MARCHF1: variants seen among roughly 807,000 people sequenced by gnomAD.
MARCHF1 encodes the protein E3 ubiquitin-protein ligase MARCHF1.
A neutral mutation model predicts 54.2 loss-of-function variants in MARCHF1; 40 were observed. The observed-to-expected ratio is 0.74, with a 90% CI of 0.57 to 0.96. The LOEUF (loss-of-function observed/expected upper bound fraction) is 0.96. Among genes scored for constraint, MARCHF1 ranks in the 40% least tolerant of loss-of-function variants. The probability of loss-of-function intolerance (pLI) is 0.00; values close to 1 mark genes in which losing one functional copy is unlikely to be tolerated. For synonymous variants in MARCHF1, 236 were observed against 236.3 expected (o/e 1.00, Z 0.01); for missense variants, 586 against 656.5 (o/e 0.89, Z 1.17).
chr4:164,039,967 T>TTA (rs368367511), intron 2 of MARCHF1, among the ~76,000 whole-genome samples: 2,082 of 145,022 alleles, frequency 0.014, 42 homozygotes, highest in African/African-American at 0.044. Context: ...CCTCATGAAA[T>TTA]TATATATATA....
chr4:164,025,183 T>C (rs1404783317), intron 2 of MARCHF1, among the ~76,000 whole-genome samples: 1 of 152,056 alleles, frequency 6.6e-6, no homozygotes, highest in African/African-American at 2.4e-5. Flanking sequence ...ACACAGATCA[T>C]TGAGGCAGAA....
chr4:163,932,786 G>A (rs771316551), intron 3 of MARCHF1: 8 of 597,106 alleles, frequency 1.3e-5, no homozygotes, highest in Non-Finnish European at 2.3e-5. Flanking sequence ...AGTCTGAGCT[G>A]AGATCGATCG....
At chr4:164,356,779 G>GCAAAAAAAAAAAAAAAAA (rs1561016717) in intron 1 of MARCHF1, among the ~76,000 whole-genome samples, 1 of 116,772 alleles carries the variant, frequency 8.6e-6, no homozygotes, top group African/African-American at 3.2e-5. Flanking sequence ...AAAAAGAAAA[G>GCAAAAAAAAAAAAAAAAA]CAAAAAAAAA....
intron 3 of MARCHF1, among the ~76,000 whole-genome samples, chr4:163,880,523 T>A (rs1750392556): frequency 6.6e-6 from 1 of 151,500 alleles, no homozygotes; most frequent in African/African-American, 2.4e-5. Flanking sequence ...ATTCTTTTAA[T>A]CCTTTAAATT....
chr4:164,302,989 TG>T (rs1392121461), intron 1 of MARCHF1, among the ~76,000 whole-genome samples: 1 of 152,152 alleles, frequency 6.6e-6, no homozygotes, highest in Non-Finnish European at 1.5e-5. Context: ...TATATTTTCA[TG>T]TTTACAATTA....
intron 1 of MARCHF1, among the ~76,000 whole-genome samples, chr4:164,163,085 T>G (rs182357315): frequency 6.6e-6 from 1 of 152,078 alleles, no homozygotes; most frequent in Admixed American, 6.6e-5. Flanking sequence ...AGACAAATAT[T>G]TTGTCATCAA....
intron 1 of MARCHF1, among the ~76,000 whole-genome samples, chr4:164,155,571 A>AT (rs1021436607): frequency 6.6e-6 from 1 of 152,214 alleles, no homozygotes; most frequent in Admixed American, 6.5e-5. Flanking sequence ...CTATTAAAAG[A>AT]TTTTTTTCAA....
chr4:164,085,149 G>T (rs1160690942), intron 2 of MARCHF1, among the ~76,000 whole-genome samples: 1 of 151,622 alleles, frequency 6.6e-6, no homozygotes, highest in African/African-American at 2.4e-5. Flanking sequence ...GTACAGGATT[G>T]GTTTTCAAGC....
At chr4:163,693,277 A>T (rs1744519603) in intron 5 of MARCHF1, among the ~76,000 whole-genome samples, 1 of 151,436 alleles carries the variant, frequency 6.6e-6, no homozygotes, top group Non-Finnish European at 1.5e-5. Flanking sequence ...ATGCTAGTGC[A>T]TTTCTTCCAG....
intron 7 of MARCHF1, among the ~76,000 whole-genome samples, chr4:163,599,457 G>T (rs971294679): frequency 2.6e-5 from 4 of 151,492 alleles, no homozygotes; most frequent in African/African-American, 9.7e-5. Context: ...AAGCAAACAC[G>T]TATGTGCATA....
chr4:163,599,019 T>C (rs1048747251), intron 7 of MARCHF1, among the ~76,000 whole-genome samples: 2 of 152,218 alleles, frequency 1.3e-5, no homozygotes, highest in Non-Finnish European at 2.9e-5. Context: ...CTGGGCGTGG[T>C]GACTCATGCC....
In MARCHF1 at chr4:163,745,889, A is replaced by G. The variant is rs183722782; in HGVS notation, c.112-45026T>C. On this transcript the variant is annotated intron_variant, in intron 4 of 9. Coordinates refer to ENST00000514618, the MANE Select transcript of MARCHF1 (RefSeq NM_001394959.1). ...TTAGAGCCGTTTTAGGTTCATGGTA[A>G]AATTGAAGGGAAAGCACACAGATTT... 1.9e-3 allele frequency among the ~76,000 whole-genome samples: 286 copies of G among 152,332 alleles called. 1 individual carries two copies. Among genetic ancestry groups the G allele is most frequent in the African/African-American group, 6.6e-3 (274 of 41,578 alleles).
intron 1 of MARCHF1, among the ~76,000 whole-genome samples, chr4:164,309,947 G>A (rs180780279): frequency 3.2e-4 from 49 of 151,562 alleles, no homozygotes; most frequent in African/African-American, 1.1e-3. Context: ...CCAAGCCCAC[G>A]TAATGCAGGA....
chr4:163,989,286 TGAGAGAGAGA>T (rs35987221), intron 2 of MARCHF1, among the ~76,000 whole-genome samples: 4 of 144,818 alleles, frequency 2.8e-5, no homozygotes, highest in African/African-American at 5.3e-5. Context: ...AATGAGGTGT[TGAGAGAGAGA>T]GAGAGAGAGA....
At chr4:163,607,345 A>G (rs965387525) in intron 7 of MARCHF1, among the ~76,000 whole-genome samples, 1 of 152,132 alleles carries the variant, frequency 6.6e-6, no homozygotes, top group African/African-American at 2.4e-5. Context: ...ATCAGAAACT[A>G]GTATCTGGAG....
chr4:164,151,897 A>G (rs889637226), intron 1 of MARCHF1, among the ~76,000 whole-genome samples: 1 of 152,012 alleles, frequency 6.6e-6, no homozygotes, highest in African/African-American at 2.4e-5. Context: ...CCAATTATTC[A>G]GTTTTTATTG....
chr4:164,023,127 G>C (rs1322033061), intron 2 of MARCHF1, among the ~76,000 whole-genome samples: 1 of 152,212 alleles, frequency 6.6e-6, no homozygotes, highest in Admixed American at 6.5e-5. Flanking sequence ...AGGCACATGG[G>C]TTCACTGGCC....
intron 8 of MARCHF1, among the ~76,000 whole-genome samples, chr4:163,552,138 A>G (rs576785029): frequency 6.6e-6 from 1 of 152,266 alleles, no homozygotes; most frequent in African/African-American, 2.4e-5. Flanking sequence ...CATCTTTTGT[A>G]CATGGCCCAA....
intron 4 of MARCHF1, among the ~76,000 whole-genome samples, chr4:163,832,322 C>T (rs868753834): frequency 9.2e-5 from 14 of 152,216 alleles, no homozygotes; most frequent in African/African-American, 2.6e-4. Context: ...GCCTTTTCTC[C>T]GTGAGTTTTG....
Sources: gnomAD v4.1 joint callset for allele counts (sites outside exome capture counted in the v4.1 genomes callset) on GRCh38, gnomAD v4.1.1 for gene constraint, MANE v1.5 for transcripts, NCBI Gene and HGNC (gene_info 2026-07-23, HGNC 2026-07-21) for gene names.